Variants in RSPH9 observed in about 807,000 individuals in gnomAD.
RSPH9 encodes the protein radial spoke head component 9.
A neutral mutation model predicts 27.0 loss-of-function variants in RSPH9; 27 were observed. The ratio of observed to expected loss-of-function variants is 1.00; its 90% confidence interval spans 0.74 to 1.38. RSPH9 has a LOEUF of 1.38. Among genes scored for constraint, RSPH9 ranks in the 40% most tolerant of loss-of-function variants. RSPH9 has a pLI of 0.00. For synonymous variants in RSPH9, 145 were observed against 147.7 expected (o/e 0.98, Z 0.13); for missense variants, 347 against 357.4 (o/e 0.97, Z 0.24).
intron 4 of RSPH9, among the ~76,000 whole-genome samples, chr6:43,661,978 C>T (rs1440990745): frequency 6.6e-6 from 1 of 152,178 alleles, no homozygotes; most frequent in African/African-American, 2.4e-5. Flanking sequence ...GCCTCGACTT[C>T]CCAGGCTCAA....
intron 1 of RSPH9, 63 bp downstream of exon 1, chr6:43,645,388 CGG>C: frequency 8.3e-6 from 1 of 120,278 alleles, no homozygotes; most frequent in Non-Finnish European, 1.7e-5. Context: ...GCGGGGTGGG[CGG>C]GTCGCAGCAA....
intron 4 of RSPH9, among the ~76,000 whole-genome samples, chr6:43,660,974 A>G (rs778886093): frequency 1.2e-4 from 18 of 152,210 alleles, no homozygotes; most frequent in Non-Finnish European, 1.9e-4. Flanking sequence ...AAACAACATT[A>G]ATCTCGTTGT....
rs191800491 is a variant in RSPH9 at position 43,656,996 on chromosome 6, G to C, written c.670+273G>C. On this transcript the variant is annotated intron_variant, in intron 4 of 4. Transcript: ENST00000372163. ...TTGATTTTTGTAGCAATCTTGAATG[G>C]GGGCAGGTTGGGAATCTTCTCCCAA... Among the ~76,000 whole-genome samples, 25 of 152,308 alleles carry C rather than the reference G, an allele frequency of 1.6e-4. 1 individual carries two copies. The East Asian group carries it at 4.8e-3, about 29-fold the overall frequency.
Position 43,672,096 on chromosome 6 carries a change from C to A in RSPH9, c.*1147C>A. On this transcript the variant is annotated 3_prime_UTR_variant, in exon 5 of 5. Transcript: ENST00000372163. ...GCGTCCTGTAAACAGATGGGCTGGG[C>A]TCTTGCTGCCGCAAGCCTGTGTGGC... 1.4e-6 allele frequency: 1 copy of A among 689,904 alleles called. No homozygotes were observed. The highest frequency in any genetic ancestry group is 2.4e-6 in the Non-Finnish European group (1 of 419,282). 42.7% of individuals were successfully genotyped at this position (689,904 alleles called of 1,614,324 possible). A position where few individuals can be genotyped will look rare whatever the true frequency, so the allele number is the denominator to read the frequency against.
chr6:43,645,384 T>TGGGGGG, intron 1 of RSPH9, 59 bp downstream of exon 1: 1 of 112,666 alleles, frequency 8.9e-6, no homozygotes, highest in Admixed American at 1.1e-4. Context: ...CAGGGCGGGG[T>TGGGGGG]GGGCGGGTCG....
At position 43,670,881 on chromosome 6, in the gene RSPH9, A is replaced by T; in HGVS notation, c.763A>T (p.Thr255Ser). Reference protein sequence around the residue: ...PGLTFYHAPRTKNYGYVYVGT... With the variant: ...PGLTFYHAPRSKNYGYVYVGT... ...CCTCACCTTCTACCATGCTCCCCGC[A>T]CCAAGAACTATGGCTACGTCTACGT... is the stretch of plus-strand genomic sequence containing the variant. Residue 255 changes from threonine (T) to serine (S), a missense_variant, in exon 5 of 5, where the codon ACC becomes TCC. Transcript: ENST00000372163. 2 of 1,614,186 alleles carry T rather than the reference A, an allele frequency of 1.2e-6. No homozygotes were observed.
At chr6:43,660,952 T>C (rs376929532) in intron 4 of RSPH9, among the ~76,000 whole-genome samples, 1 of 152,222 alleles carries the variant, frequency 6.6e-6, no homozygotes, top group Non-Finnish European at 1.5e-5. Flanking sequence ...GATGTTGTGT[T>C]AGCAGGCAGG....
At chr6:43,658,300 A>G (rs1271749091) in intron 4 of RSPH9, among the ~76,000 whole-genome samples, 1 of 144,388 alleles carries the variant, frequency 6.9e-6, no homozygotes, top group Non-Finnish European at 1.5e-5. Flanking sequence ...TCAAAAAAAA[A>G]AAAAAAAAAA....
chr6:43,645,150 C>T lies in RSPH9; in HGVS notation c.52C>T (p.Gln18Ter), dbSNP rs397515488. ...TCTGGAGCTGGCGTCCGGCAGTGGGCAGGGCCTCAGCCCGGACCGTCGGGC... is the reference window on the plus strand; with the variant it reads ...TCTGGAGCTGGCGTCCGGCAGTGGGTAGGGCCTCAGCCCGGACCGTCGGGC... ...LSLELASGSG[Q>*]GLSPDRRASL... The change falls in exon 1 of 5, where the codon CAG (glutamine) becomes TAG (stop). Residue 18 changes from glutamine (Q) to a stop codon, truncating the protein, a stop_gained. Coordinates refer to ENST00000372163, the MANE Select transcript of RSPH9 (RefSeq NM_152732.5). LOFTEE classifies it high-confidence loss of function. 1 of 1,613,434 alleles carries T rather than the reference C, an allele frequency of 6.2e-7. No individual in the cohort carries two copies.
At chr6:43,665,982 T>C (rs1374031276) in intron 4 of RSPH9, among the ~76,000 whole-genome samples, 1 of 152,060 alleles carries the variant, frequency 6.6e-6, no homozygotes, top group Non-Finnish European at 1.5e-5. Context: ...TGGACCACCA[T>C]GCCTGGCTAG....
intron 4 of RSPH9, among the ~76,000 whole-genome samples, chr6:43,669,400 G>A (rs1366363993): frequency 5.9e-5 from 9 of 152,246 alleles, no homozygotes; most frequent in Admixed American, 5.9e-4. Context: ...CTGCCATGAG[G>A]GTCAGGGGTT....
At chr6:43,654,848 T>C (rs1189999877) in intron 2 of RSPH9, among the ~76,000 whole-genome samples, 2 of 151,066 alleles carry the variant, frequency 1.3e-5, no homozygotes, top group Admixed American at 6.6e-5. Context: ...AAAATAATAA[T>C]AAAAAAAGAC....
In RSPH9 at chr6:43,671,878, C is replaced by T. The variant is rs765576548; in HGVS notation, c.*929C>T. ...GGGCCTTTTTTGTAGATGGGCTTGA[C>T]GGAGCCAGGAGCCCAGCGCGTCAGG... On this transcript the variant is annotated 3_prime_UTR_variant, in exon 5 of 5. Transcript: ENST00000372163. The T allele has an allele frequency of 5.6e-5, 91 of 1,612,864 alleles. No individual in the cohort carries two copies. Among genetic ancestry groups the T allele is most frequent in the Middle Eastern group, 1.6e-4 (1 of 6,080 alleles).
chr6:43,649,337 C>T (rs1771203628), intron 1 of RSPH9, among the ~76,000 whole-genome samples: 1 of 151,584 alleles, frequency 6.6e-6, no homozygotes, highest in East Asian at 1.9e-4. Context: ...TTACAGGCGC[C>T]CGCCACCAAG....
chr6:43,659,386 C>CTTT (rs749619372), intron 4 of RSPH9, among the ~76,000 whole-genome samples: 1 of 143,014 alleles, frequency 7.0e-6, no homozygotes, highest in Non-Finnish European at 1.5e-5. Flanking sequence ...CCATGCCCGG[C>CTTT]TTTTTTTTTT....
At chr6:43,670,220 G>A (rs1187353863) in intron 4 of RSPH9, among the ~76,000 whole-genome samples, 1 of 152,202 alleles carries the variant, frequency 6.6e-6, no homozygotes, top group African/African-American at 2.4e-5. Context: ...AGCTAGACTT[G>A]CTGACAGGAA....
chr6:43,657,669 A>G (rs558801976), intron 4 of RSPH9, among the ~76,000 whole-genome samples: 2 of 152,322 alleles, frequency 1.3e-5, no homozygotes, highest in East Asian at 3.9e-4. Flanking sequence ...GGGGATGGGG[A>G]TGACAAGGGC....
In RSPH9 at chr6:43,659,535, G is replaced by A. The variant is rs888640231; in HGVS notation, c.670+2812G>A. Among the ~76,000 whole-genome samples the A allele has an allele frequency of 4.3e-4, 63 of 148,234 alleles. 2 individuals are homozygous for A. The highest frequency in any genetic ancestry group is 1.3e-3 in the African/African-American group (54 of 40,190). ...GTATCTGGGACTACAGGCGCCCGCCGCCACGGCTGGCTAATTTTTTGTATT... is the reference window on the plus strand; with the variant it reads ...GTATCTGGGACTACAGGCGCCCGCCACCACGGCTGGCTAATTTTTTGTATT... On this transcript the variant is annotated intron_variant, in intron 4 of 4. Transcript: ENST00000372163.
In RSPH9 at chr6:43,645,182, G is replaced by C. The variant is rs544526019; in HGVS notation, c.84G>C (p.Leu28=). 2.5e-6 allele frequency: 4 copies of C among 1,613,824 alleles called. No individual in the cohort carries two copies. The South Asian group carries it at 4.4e-5, about 18-fold the overall frequency. Residue 28 remains leucine, a synonymous_variant, in exon 1 of 5, where the codon CTG becomes CTC. Coordinates refer to ENST00000372163, the MANE Select transcript of RSPH9 (RefSeq NM_152732.5). ...TCAGCCCGGACCGTCGGGCCTCGCT[G>C]CTCACGTCTCTTATGCTGGTTAAGC... ...QGLSPDRRAS[L]LTSLMLVKRD...
Sources: allele counts gnomAD v4.1 joint callset (sites outside exome capture counted in the v4.1 genomes callset), GRCh38; gene constraint gnomAD v4.1.1; transcripts MANE v1.5; gene names NCBI Gene and HGNC (gene_info 2026-07-23, HGNC 2026-07-21).